Variants in TMEM114 observed in about 807,000 individuals in gnomAD.
TMEM114 encodes claudin-26.
A neutral mutation model predicts 6.2 loss-of-function variants in TMEM114; 6 were observed. The observed-to-expected ratio is 0.97, with a 90% confidence interval of 0.53 to 1.91. The LOEUF (loss-of-function observed/expected upper bound fraction) is 1.91. Among genes scored for constraint, TMEM114 ranks in the 40% most tolerant of loss-of-function variants. The probability of loss-of-function intolerance (pLI) is 0.01; values close to 1 mark genes in which losing one functional copy is unlikely to be tolerated. For missense variants in TMEM114, 218 were observed against 158.3 expected, an observed-to-expected ratio of 1.38 and a Z score of -2.02; for synonymous variants, 104 against 73.0, an observed-to-expected ratio of 1.42 and a Z score of -2.16.
intron 2 of TMEM114, among the ~76,000 whole-genome samples, chr16:8,574,605 C>CTTTCTTTG (rs1901856498): frequency 1.4e-5 from 2 of 138,198 alleles, no homozygotes; most frequent in Admixed American, 1.4e-4. Context: ...TTCTTTCTTT[C>CTTTCTTTG]TTTTTCAGGG....
intron 2 of TMEM114, among the ~76,000 whole-genome samples, chr16:8,562,604 G>A (rs1468030474): frequency 6.9e-6 from 1 of 145,698 alleles, no homozygotes; most frequent in Non-Finnish European, 1.5e-5. Flanking sequence ...GAATGAGTGA[G>A]TGAGTGAATG....
At chr16:8,548,864 A>C (rs1291751143) in intron 2 of TMEM114, among the ~76,000 whole-genome samples, 1 of 152,174 alleles carries the variant, frequency 6.6e-6, no homozygotes, top group Non-Finnish European at 1.5e-5. Flanking sequence ...TGAGAGAGAG[A>C]GATCCAGTTG....
At chr16:8,527,543 A>AT in the TMEM114 span, among the ~76,000 whole-genome samples, 112,295 of 151,886 alleles carry the variant, frequency 0.74, 41,733 homozygotes, top group African/African-American at 0.76. Context: ...CTGTAGTAAG[A>AT]TTTTTTTTAA....
intron 2 of TMEM114, among the ~76,000 whole-genome samples, chr16:8,579,526 G>A (rs574275360): frequency 4.5e-4 from 68 of 152,178 alleles, no homozygotes; most frequent in Admixed American, 3.5e-3. Flanking sequence ...GTCTCCAAGA[G>A]GTATTGTTAG....
intron 2 of TMEM114, among the ~76,000 whole-genome samples, chr16:8,580,317 T>C (rs1178959833): frequency 6.6e-6 from 1 of 151,882 alleles, no homozygotes; most frequent in Non-Finnish European, 1.5e-5. Flanking sequence ...CGAAAACCCG[T>C]CTCTACTAAA....
chr16:8,539,085 T>G (rs1296903724), intron 2 of TMEM114, among the ~76,000 whole-genome samples: 2 of 152,164 alleles, frequency 1.3e-5, no homozygotes, highest in Non-Finnish European at 2.9e-5. Flanking sequence ...GTTGCGATTT[T>G]TTTTAGTTAC....
At chr16:8,541,037 G>A (rs1375804915) in intron 2 of TMEM114, among the ~76,000 whole-genome samples, 4 of 151,396 alleles carry the variant, frequency 2.6e-5, no homozygotes, top group Non-Finnish European at 4.4e-5. Flanking sequence ...AGAGTGAGGT[G>A]AGGCTGAGAG....
chr16:8,530,307 A>G, the TMEM114 span, among the ~76,000 whole-genome samples: 1 of 152,128 alleles, frequency 6.6e-6, no homozygotes, highest in East Asian at 1.9e-4. Flanking sequence ...TATTGCGGAG[A>G]CCTGGCTCCA....
chr16:8,582,059 C>G (rs1277574135), intron 2 of TMEM114, among the ~76,000 whole-genome samples: 1 of 152,194 alleles, frequency 6.6e-6, no homozygotes, highest in African/African-American at 2.4e-5. Flanking sequence ...TTTTAATTGT[C>G]CATGTCACTG....
At chr16:8,584,940 A>AAAAAAAAAG (rs1409319481) in intron 2 of TMEM114, among the ~76,000 whole-genome samples, 189 of 146,614 alleles carry the variant, frequency 1.3e-3, no homozygotes, top group Non-Finnish European at 2.1e-3. Flanking sequence ...AAAAAAAAAA[A>AAAAAAAAAG]AAGAAGAAGA....
chr16:8,535,474 T>A (rs1403454791), downstream of TMEM114, among the ~76,000 whole-genome samples: 1 of 152,082 alleles, frequency 6.6e-6, no homozygotes, highest in African/African-American at 2.4e-5. Context: ...TGAAACATAA[T>A]GAATAATTGC....
intron 2 of TMEM114, among the ~76,000 whole-genome samples, chr16:8,557,265 C>A (rs544444274): frequency 3.6e-4 from 55 of 152,282 alleles, no homozygotes; most frequent in African/African-American, 1.1e-3. Flanking sequence ...AACACAACTT[C>A]CACCTTGCCC....
chr16:8,557,950 G>T (rs1331093777), intron 2 of TMEM114, among the ~76,000 whole-genome samples: 2 of 152,084 alleles, frequency 1.3e-5, no homozygotes, highest in African/African-American at 2.4e-5. Flanking sequence ...AATTCTGAAG[G>T]TCCAAATTTC....
intron 2 of TMEM114, among the ~76,000 whole-genome samples, chr16:8,575,505 C>T (rs1308559141): frequency 6.6e-6 from 1 of 152,164 alleles, no homozygotes; most frequent in Non-Finnish European, 1.5e-5. Context: ...GCAGGATAAA[C>T]CAGGACAACT....
At chr16:8,536,128 G>C (rs1486237816), downstream of TMEM114, among the ~76,000 whole-genome samples, 2 of 151,908 alleles carry the variant, frequency 1.3e-5, no homozygotes, top group Non-Finnish European at 2.9e-5. Context: ...GGGAGGCTGA[G>C]GCAGGACAAT....
chr16:8,553,077 C>T (rs4555138), intron 2 of TMEM114, among the ~76,000 whole-genome samples: 220 of 152,350 alleles, frequency 1.4e-3, no homozygotes, highest in African/African-American at 5.1e-3. Flanking sequence ...TCATCCTCCC[C>T]TTTGTTGCTC....
At chr16:8,549,054 C>A (rs902614976) in intron 2 of TMEM114, among the ~76,000 whole-genome samples, 1 of 151,910 alleles carries the variant, frequency 6.6e-6, no homozygotes, top group Non-Finnish European at 1.5e-5. Context: ...TGGCAGCATG[C>A]GCCTGCAGTC....
chr16:8,569,890 G>A lies in TMEM114; in HGVS notation c.555C>T (p.Phe185=). ...TCCAGCCCAGGGCCAGGGACCAGCC[G>A]AAGCTGATGTCCACCTGGTCCAGGA... ...KALLDQVDIS[F]GWSLALGWIS... is the part of the protein sequence containing the mutation. The change falls in exon 4 of 4, where the codon TTC becomes TTT. Residue 185 remains phenylalanine (F), a synonymous_variant. Coordinates refer to ENST00000620492, the MANE Select transcript of TMEM114 (RefSeq NM_001146336.2). The A allele has an allele frequency of 1.9e-6, 3 of 1,551,238 alleles. No individual in the cohort carries two copies. The highest frequency in any genetic ancestry group is 2.6e-6 in the Non-Finnish European group (3 of 1,146,950).
the TMEM114 span, among the ~76,000 whole-genome samples, chr16:8,527,914 G>A: frequency 6.6e-6 from 1 of 151,988 alleles, no homozygotes; most frequent in Non-Finnish European, 1.5e-5. Context: ...TTTTTTATTT[G>A]TTTGTTTGTT....
Sources: gnomAD v4.1 joint callset for allele counts (sites outside exome capture counted in the v4.1 genomes callset) on GRCh38, gnomAD v4.1.1 for gene constraint, MANE v1.5 for transcripts, NCBI Gene and HGNC (gene_info 2026-07-23, HGNC 2026-07-21) for gene names.